The following NME7 variants were observed in gnomAD, a reference collection of about 807,000 sequenced individuals.
The protein encoded by NME7 is NME/NM23 family member 7, also known as nucleoside diphosphate kinase 7.
NME7 carries 41 observed loss-of-function variants against 49.1 expected under a neutral mutation model. The observed-to-expected ratio is 0.83, with a 90% CI of 0.65 to 1.08. The LOEUF (loss-of-function observed/expected upper bound fraction) is 1.08, where lower values mean the gene tolerates loss of function less well. Among genes scored for constraint, NME7 ranks in the 50% least tolerant of loss-of-function variants. The pLI is 0.00. For synonymous variants in NME7, 139 were observed against 150.6 expected, an observed-to-expected ratio of 0.92 and a Z score of 0.56; for missense variants, 423 against 463.4, an observed-to-expected ratio of 0.91 and a Z score of 0.80.
At chr1:169,287,476 G>A in intron 6 of NME7, 68 bp from the exon 7 acceptor site, 2 of 1,102,304 alleles carry the variant, frequency 1.8e-6, no homozygotes, top group South Asian at 3.9e-5. Context: ...ATATTTCTGT[G>A]GGGGAGGAGA....
At chr1:169,168,731 CG>C (rs1659487588) in intron 11 of NME7, 1 of 387,694 alleles carries the variant, frequency 2.6e-6, no homozygotes, top group Non-Finnish European at 5.0e-6. Flanking sequence ...TGCTGTTGAC[CG>C]GGAGCTTCAT....
chr1:169,296,656 G>A (rs1650720577), intron 6 of NME7, among the ~76,000 whole-genome samples: 1 of 151,956 alleles, frequency 6.6e-6, no homozygotes, highest in South Asian at 2.1e-4. Flanking sequence ...GTTTATAAAT[G>A]TCCAAAACGT....
chr1:169,155,763 T>A, intron 11 of NME7, among the ~76,000 whole-genome samples: 1 of 47,506 alleles, frequency 2.1e-5, no homozygotes, highest in South Asian at 4.9e-4. Context: ...TACTGTTTAG[T>A]TTTTTTTTTT....
intron 10 of NME7, among the ~76,000 whole-genome samples, chr1:169,187,813 C>T (rs1240059469): frequency 6.6e-6 from 1 of 152,018 alleles, no homozygotes; most frequent in South Asian, 2.1e-4. Flanking sequence ...GGTTTTTACC[C>T]GTTAGTTGAT....
rs567172318 is a variant in NME7 at position 169,235,186 on chromosome 1, C to T, written c.833G>A (p.Arg278Gln). The T allele has an allele frequency of 6.2e-5, 95 of 1,538,914 alleles. No individual in the cohort carries two copies. Among genetic ancestry groups the T allele is most frequent in the Middle Eastern group, 1.7e-4 (1 of 5,844 alleles). Residue 278 changes from arginine to glutamine, a missense_variant, in exon 9 of 12, where the codon CGG (arginine) becomes CAG (glutamine). Transcript: ENST00000367811. ...TTCATAGAATTCCTCAACATTAACC[C>T]GATCCATATTGAACTATATTAAAAA... ...ISAMQMFNMD[R>Q]VNVEEFYEVY...
At chr1:169,335,865 G>A (rs970701480) in intron 1 of NME7, among the ~76,000 whole-genome samples, 1 of 151,306 alleles carries the variant, frequency 6.6e-6, no homozygotes, top group Non-Finnish European at 1.5e-5. Flanking sequence ...GCTGCTTCCA[G>A]TAAGGGTGAG....
intron 7 of NME7, among the ~76,000 whole-genome samples, chr1:169,265,913 A>G (rs1649304003): frequency 7.5e-6 from 1 of 132,682 alleles, no homozygotes; most frequent in African/African-American, 2.5e-5. Context: ...ACACTGAACC[A>G]AGAAGAAATT....
At chr1:169,155,234 A>G (rs1012214958) in intron 11 of NME7, among the ~76,000 whole-genome samples, 1 of 152,230 alleles carries the variant, frequency 6.6e-6, no homozygotes, top group Non-Finnish European at 1.5e-5. Context: ...CTCCATAAGC[A>G]TGTGTAACTT....
Position 169,351,623 on chromosome 1 carries a change from A to G in NME7, c.3+16085T>C, listed in dbSNP as rs181474149. Among the ~76,000 whole-genome samples, 351 of 152,128 alleles carry G rather than the reference A, an allele frequency of 2.3e-3. 1 individual carries two copies. Among genetic ancestry groups the G allele is most frequent in the African/African-American group, 8.1e-3 (337 of 41,550 alleles). On this transcript the variant is annotated intron_variant, in intron 1 of 11. Transcript: ENST00000367811. ...TTGAAATGAAAAAAAAATACAAAAG[A>G]TCAATGAAACAAAAAGTTGGTTCCT...
At position 169,167,905 on chromosome 1, in the gene NME7, C is replaced by T. The variant is rs112990238; in HGVS notation, c.1098+1542G>A. On this transcript the variant is annotated intron_variant, in intron 11 of 11. Transcript: ENST00000367811. ...GCTATTGTTATACTTGGTAGCTAGTCGGGTATGAGCAGGGCAGGAAAGGGC... is the reference window on the plus strand; with the variant it reads ...GCTATTGTTATACTTGGTAGCTAGTTGGGTATGAGCAGGGCAGGAAAGGGC... Among the ~76,000 whole-genome samples, 903 of 152,216 alleles carry T rather than the reference C, an allele frequency of 5.9e-3. 8 individuals are homozygous for T. The highest frequency in any genetic ancestry group is 0.021 in the African/African-American group (862 of 41,532).
chr1:169,344,121 C>T (rs1362164024), intron 1 of NME7, among the ~76,000 whole-genome samples: 2 of 152,126 alleles, frequency 1.3e-5, no homozygotes, highest in Non-Finnish European at 2.9e-5. Flanking sequence ...ACAATTCTTT[C>T]AGTTATTCCT....
intron 1 of NME7, among the ~76,000 whole-genome samples, chr1:169,343,992 A>G (rs1174406872): frequency 2.0e-5 from 3 of 152,180 alleles, no homozygotes; most frequent in African/African-American, 7.2e-5. Context: ...AAATCTATCT[A>G]CTAATTTAGA....
chr1:169,285,191 A>T (rs1382987050), intron 7 of NME7: 3 of 152,122 alleles, frequency 2.0e-5, no homozygotes, highest in Non-Finnish European at 4.4e-5. Flanking sequence ...TTTGTGGAGC[A>T]TACCCAATTC....
chr1:169,230,027 T>A (rs1343519813), intron 10 of NME7, among the ~76,000 whole-genome samples: 2 of 152,030 alleles, frequency 1.3e-5, no homozygotes, highest in Non-Finnish European at 2.9e-5. Flanking sequence ...TGGCTGCTCA[T>A]CTTCAATAAA....
chr1:169,287,476 G>T, intron 6 of NME7, 68 bp from the exon 7 acceptor site: 2 of 1,102,302 alleles, frequency 1.8e-6, no homozygotes, highest in Non-Finnish European at 2.5e-6. Flanking sequence ...ATATTTCTGT[G>T]GGGGAGGAGA....
intron 7 of NME7, among the ~76,000 whole-genome samples, chr1:169,279,916 T>A (rs1649932888): frequency 6.6e-6 from 1 of 152,234 alleles, no homozygotes. Flanking sequence ...TAGTGCTGCG[T>A]TAACATACAT....
chr1:169,308,105 A>G (rs1571375661), intron 4 of NME7, among the ~76,000 whole-genome samples: 1 of 152,182 alleles, frequency 6.6e-6, no homozygotes, highest in East Asian at 1.9e-4. Flanking sequence ...TAAGTAGCAC[A>G]GTTACAAGCA....
chr1:169,212,243 T>A (rs1281434624), intron 10 of NME7, among the ~76,000 whole-genome samples: 1 of 152,180 alleles, frequency 6.6e-6, no homozygotes, highest in African/African-American at 2.4e-5. Flanking sequence ...CTTTGCTATT[T>A]ACTTAATAAA....
chr1:169,296,068 T>TA (rs57433982), intron 6 of NME7, among the ~76,000 whole-genome samples: 13,304 of 152,072 alleles, frequency 0.087, 869 homozygotes, highest in African/African-American at 0.18. Flanking sequence ...TTTTACCCAA[T>TA]ACCTCTCCTC....
Sources: gnomAD v4.1 joint callset for allele counts (sites outside exome capture counted in the v4.1 genomes callset) on GRCh38, gnomAD v4.1.1 for gene constraint, MANE v1.5 for transcripts, NCBI Gene and HGNC (gene_info 2026-07-23, HGNC 2026-07-21) for gene names.